Variants in COX16 observed in about 807,000 individuals in gnomAD.
COX16 encodes cytochrome c oxidase assembly protein COX16 homolog, mitochondrial.
A neutral mutation model predicts 15.4 loss-of-function variants in COX16; 12 were observed. The observed-to-expected ratio is 0.78, with a 90% confidence interval of 0.50 to 1.26. The LOEUF is 1.26. Among genes scored for constraint, COX16 ranks in the 50% most tolerant of loss-of-function variants. COX16 has a pLI of 0.00. For missense variants in COX16, 124 were observed against 127.6 expected, an observed-to-expected ratio of 0.97 and a Z score of 0.14; for synonymous variants, 46 against 41.1, an observed-to-expected ratio of 1.12 and a Z score of -0.46.
intron 2 of COX16, among the ~76,000 whole-genome samples, chr14:70,330,962 A>G (rs961055771): frequency 3.3e-5 from 5 of 152,202 alleles, no homozygotes. Flanking sequence ...GGAGTAGGGA[A>G]AATGTTTCTT....
intron 1 of COX16, among the ~76,000 whole-genome samples, chr14:70,347,784 T>C (rs1886827047): frequency 6.6e-6 from 1 of 152,098 alleles, no homozygotes; most frequent in South Asian, 2.1e-4. Context: ...ACCGACCACA[T>C]ATCCCTCCTC....
chr14:70,328,823 T>C (rs1886179623), intron 3 of COX16, among the ~76,000 whole-genome samples: 1 of 151,906 alleles, frequency 6.6e-6, no homozygotes. Flanking sequence ...TTCTTAACTT[T>C]TGAATTTGTA....
At chr14:70,328,072 A>AGTTTTTTTTTTTTT (rs1886142454) in intron 3 of COX16, 1 of 80,840 alleles carries the variant, frequency 1.2e-5, no homozygotes, top group Non-Finnish European at 2.2e-5. Flanking sequence ...TGAGAATAAG[A>AGTTTTTTTTTTTTT]TTTTTTTTTT....
At chr14:70,328,584 G>C (rs868699405) in intron 3 of COX16, among the ~76,000 whole-genome samples, 23 of 147,438 alleles carry the variant, frequency 1.6e-4, no homozygotes, top group Middle Eastern at 3.3e-3. Flanking sequence ...TTCCTATTAT[G>C]ATAAATTGAG....
chr14:70,331,463 T>C (rs193164124), intron 2 of COX16, among the ~76,000 whole-genome samples: 1 of 152,052 alleles, frequency 6.6e-6, no homozygotes, highest in Non-Finnish European at 1.5e-5. Flanking sequence ...GAGGCCTCAA[T>C]AGACACATCA....
intron 1 of COX16, among the ~76,000 whole-genome samples, chr14:70,344,129 G>A (rs1173418976): frequency 6.6e-6 from 1 of 152,130 alleles, no homozygotes; most frequent in Non-Finnish European, 1.5e-5. Flanking sequence ...TCCAGTGCAG[G>A]GTCTGCAAAA....
chr14:70,340,023 G>A (rs559485150), intron 2 of COX16, among the ~76,000 whole-genome samples: 1 of 152,238 alleles, frequency 6.6e-6, no homozygotes, highest in East Asian at 1.9e-4. Context: ...TCATCTGGTA[G>A]CTCAACCTCC....
chr14:70,345,775 A>G (rs1456241108), intron 1 of COX16, among the ~76,000 whole-genome samples: 1 of 151,572 alleles, frequency 6.6e-6, no homozygotes, highest in African/African-American at 2.4e-5. Context: ...CTTCCCCTCC[A>G]TTCTCACCGC....
At chr14:70,348,701 T>C (rs184452734) in intron 1 of COX16, among the ~76,000 whole-genome samples, 111 of 152,304 alleles carry the variant, frequency 7.3e-4, no homozygotes, top group African/African-American at 2.6e-3. Context: ...AGATTCTCAT[T>C]ATGCGTTCCA....
At chr14:70,338,824 T>C (rs1016829831) in intron 2 of COX16, among the ~76,000 whole-genome samples, 6 of 152,182 alleles carry the variant, frequency 3.9e-5, no homozygotes, top group African/African-American at 1.4e-4. Flanking sequence ...ACCTGTGAGA[T>C]TCAGTCTTCA....
chr14:70,334,360 T>C (rs1886381556), intron 2 of COX16, among the ~76,000 whole-genome samples: 1 of 152,100 alleles, frequency 6.6e-6, no homozygotes, highest in African/African-American at 2.4e-5. Flanking sequence ...CCGTCTCTAC[T>C]AAAATTACAA....
chr14:70,344,565 C>T (rs762427787), intron 1 of COX16, among the ~76,000 whole-genome samples: 1 of 152,178 alleles, frequency 6.6e-6, no homozygotes, highest in South Asian at 2.1e-4. Context: ...TATTGTGTGT[C>T]GCTCTTATAA....
At chr14:70,354,756 G>A (rs1274979629) in intron 1 of COX16, among the ~76,000 whole-genome samples, 1 of 152,082 alleles carries the variant, frequency 6.6e-6, no homozygotes, top group Non-Finnish European at 1.5e-5. Context: ...TATTGAACCT[G>A]AGGGGGTGGC....
intron 1 of COX16, among the ~76,000 whole-genome samples, chr14:70,349,595 T>C (rs896498617): frequency 1.2e-4 from 18 of 152,166 alleles, no homozygotes; most frequent in African/African-American, 4.3e-4. Flanking sequence ...AAATGAACTC[T>C]GTCCTTAAAG....
At chr14:70,327,826 G>A (rs1281491847) in intron 3 of COX16, among the ~76,000 whole-genome samples, 2 of 152,130 alleles carry the variant, frequency 1.3e-5, no homozygotes, top group African/African-American at 2.4e-5. Flanking sequence ...CACAGTGGCT[G>A]AAGAATGGGC....
In COX16 at chr14:70,342,874, T is replaced by A. The variant is rs558362874; in HGVS notation, c.70-145A>T. 3 of 821,940 alleles carry A rather than the reference T, an allele frequency of 3.6e-6. No individual in the cohort carries two copies. In the African/African-American group the frequency reaches 5.2e-5, roughly 14 times the overall value. The allele number at this position is 821,940 out of a possible 1,614,324, so 50.9% of individuals were successfully genotyped here. On this transcript the variant is annotated intron_variant, in intron 1 of 3. Transcript: ENST00000389912. ...ATTTTTCCTGGTGAGTCACCATTCA[T>A]CTTTTAGAGTAAATGCAGTATATAC...
intron 2 of COX16, among the ~76,000 whole-genome samples, chr14:70,337,604 G>GA (rs998834869): frequency 2.0e-5 from 3 of 151,988 alleles, no homozygotes; most frequent in Admixed American, 6.5e-5. Flanking sequence ...TCATATAACT[G>GA]AAAAAACAAG....
At position 70,329,184 on chromosome 14, in the gene COX16, G is replaced by A. The variant is rs148696056; in HGVS notation, c.194C>T (p.Ser65Leu). Residue 65 changes from serine (S) to leucine (L), a missense_variant, in exon 3 of 4, where the codon TCG (serine) becomes TTG (leucine). Ser to Leu is a moderately radical substitution (Grantham distance 145, BLOSUM62 -2). Coordinates refer to ENST00000389912, the MANE Select transcript of COX16 (RefSeq NM_016468.7). ...ATTAACATACCGTACCTCATATTCC[G>A]ACTCTAAAGATATTTTATTCTCTTT... ...KLKENKISLE[S>L]EYEKIKDSKF... The A allele has an allele frequency of 6.6e-5, 106 of 1,596,778 alleles. No individual in the cohort carries two copies. The African/African-American group carries it at 7.5e-4, about 11-fold the overall frequency.
chr14:70,326,515 C>T (rs575626535), intron 3 of COX16, 66 bp from the exon 4 acceptor site: 1 of 1,254,464 alleles, frequency 8.0e-7, no homozygotes, highest in Non-Finnish European at 1.1e-6. Flanking sequence ...GATTAGGACA[C>T]AACTAACTCA....
Sources: gnomAD v4.1 joint callset for allele counts (sites outside exome capture counted in the v4.1 genomes callset) on GRCh38, gnomAD v4.1.1 for gene constraint, MANE v1.5 for transcripts, NCBI Gene and HGNC (gene_info 2026-07-23, HGNC 2026-07-21) for gene names.